BASP1: variants seen among roughly 807,000 people sequenced by gnomAD.
BASP1 encodes brain abundant membrane attached signal protein 1, also known as brain acid soluble protein 1.
A neutral mutation model predicts 2.2 loss-of-function variants in BASP1; 1 was observed. The observed-to-expected ratio is 0.46, with a 90% CI of 0.16 to 2.17. The LOEUF (loss-of-function observed/expected upper bound fraction) is 2.17. BASP1 is among the 30% of genes most tolerant of loss of function. The pLI, the probability that BASP1 is intolerant of heterozygous loss-of-function variation, is 0.27. For missense variants in BASP1, 352 were observed against 327.2 expected (o/e 1.08, Z -0.58); for synonymous variants, 187 against 154.2 (o/e 1.21, Z -1.58).
At chr5:17,258,811 T>C (rs1413056172) in intron 1 of BASP1, among the ~76,000 whole-genome samples, 1 of 152,200 alleles carries the variant, frequency 6.6e-6, no homozygotes, top group East Asian at 1.9e-4. Flanking sequence ...AGTGCCTGGT[T>C]TTTTAGGTAG....
chr5:17,235,544 G>A (rs1023966801), intron 1 of BASP1, among the ~76,000 whole-genome samples: 19 of 152,240 alleles, frequency 1.2e-4, no homozygotes, highest in Non-Finnish European at 2.6e-4. Context: ...TTACAGGCGT[G>A]AGCCACCACG....
At chr5:17,224,138 A>T (rs1270515240) in intron 1 of BASP1, among the ~76,000 whole-genome samples, 1 of 152,230 alleles carries the variant, frequency 6.6e-6, no homozygotes, top group African/African-American at 2.4e-5. Context: ...TCAGACATTT[A>T]CTTCAGGGAT....
chr5:17,218,572 C>A (rs905601744), intron 1 of BASP1, among the ~76,000 whole-genome samples: 1 of 152,086 alleles, frequency 6.6e-6, no homozygotes, highest in Admixed American at 6.5e-5. Flanking sequence ...ATGCGCCAGG[C>A]GCCTCCGCCC....
At chr5:17,272,983 C>T (rs1740559928) in intron 1 of BASP1, among the ~76,000 whole-genome samples, 2 of 152,122 alleles carry the variant, frequency 1.3e-5, no homozygotes, top group Admixed American at 1.3e-4. Flanking sequence ...CCTATGTTTG[C>T]ACTTTATCTT....
At chr5:17,249,461 T>C (rs1740058299) in intron 1 of BASP1, among the ~76,000 whole-genome samples, 1 of 152,184 alleles carries the variant, frequency 6.6e-6, no homozygotes, top group African/African-American at 2.4e-5. Context: ...GTGAGGAATT[T>C]CAGAAGCCAG....
At chr5:17,245,829 G>A (rs116674099) in intron 1 of BASP1, among the ~76,000 whole-genome samples, 1 of 152,092 alleles carries the variant, frequency 6.6e-6, no homozygotes, top group Admixed American at 6.6e-5. Context: ...GATAACTCAG[G>A]GGGTAGCAGA....
intron 1 of BASP1, among the ~76,000 whole-genome samples, chr5:17,226,446 T>A (rs1023006473): frequency 3.3e-5 from 5 of 152,106 alleles, no homozygotes; most frequent in African/African-American, 1.2e-4. Context: ...ACTAATACAA[T>A]AACCAAGGTA....
intron 1 of BASP1, among the ~76,000 whole-genome samples, chr5:17,252,119 A>T (rs1457442007): frequency 3.9e-5 from 6 of 152,238 alleles, no homozygotes; most frequent in Non-Finnish European, 7.4e-5. Context: ...GGACTTGGAG[A>T]TGAGAAAGCT....
chr5:17,247,266 A>G (rs1475356033), intron 1 of BASP1, among the ~76,000 whole-genome samples: 6 of 152,210 alleles, frequency 3.9e-5, no homozygotes, highest in Admixed American at 3.9e-4. Flanking sequence ...TGTCAGTTGG[A>G]TTTCCGAATG....
At chr5:17,243,562 G>A (rs182867896) in intron 1 of BASP1, among the ~76,000 whole-genome samples, 269 of 152,312 alleles carry the variant, frequency 1.8e-3, no homozygotes, top group Non-Finnish European at 3.1e-3. Context: ...ACAGAGTAAT[G>A]TCTCCATAAG....
At chr5:17,270,474 G>T (rs1306914706) in intron 1 of BASP1, among the ~76,000 whole-genome samples, 2 of 152,196 alleles carry the variant, frequency 1.3e-5, no homozygotes, top group Admixed American at 1.3e-4. Flanking sequence ...TATTCAGAGC[G>T]AAGAAGTAGA....
chr5:17,255,403 T>C (rs1406473514), intron 1 of BASP1, among the ~76,000 whole-genome samples: 1 of 152,194 alleles, frequency 6.6e-6, no homozygotes, highest in Non-Finnish European at 1.5e-5. Context: ...CTAGGTTTTT[T>C]TTTCCCATTA....
At chr5:17,265,971 T>G (rs1740407912) in intron 1 of BASP1, among the ~76,000 whole-genome samples, 1 of 152,194 alleles carries the variant, frequency 6.6e-6, no homozygotes, top group South Asian at 2.1e-4. Flanking sequence ...GTGTCTTCTA[T>G]TAAGGACATA....
chr5:17,245,437 TGA>T (rs1561170539), intron 1 of BASP1, among the ~76,000 whole-genome samples: 2 of 152,214 alleles, frequency 1.3e-5, no homozygotes, highest in African/African-American at 4.8e-5. Flanking sequence ...TTATAATTGT[TGA>T]TATTACAACA....
At chr5:17,248,182 G>A (rs1003803746) in intron 1 of BASP1, among the ~76,000 whole-genome samples, 16 of 152,134 alleles carry the variant, frequency 1.1e-4, no homozygotes, top group African/African-American at 3.4e-4. Context: ...TCAGCTATAC[G>A]TGTGACAATC....
At chr5:17,258,026 A>G (rs1221122422) in intron 1 of BASP1, among the ~76,000 whole-genome samples, 2 of 152,168 alleles carry the variant, frequency 1.3e-5, no homozygotes, top group African/African-American at 2.4e-5. Flanking sequence ...CAGGCTGCTT[A>G]TATCTTGCCT....
intron 1 of BASP1, among the ~76,000 whole-genome samples, chr5:17,222,441 C>A (rs1330420085): frequency 6.6e-6 from 1 of 152,200 alleles, no homozygotes. Flanking sequence ...GCCTTTCCAG[C>A]CACAGCCTTT....
chr5:17,275,953 C>A lies in BASP1; in HGVS notation c.*53C>A. On this transcript the variant is annotated 3_prime_UTR_variant, in exon 2 of 2. Transcript: ENST00000322611. The surrounding 1 kb of genome is among the most constrained non-coding windows in gnomAD (Gnocchi z 5.3). ...CCACTTAAAACAATCTCCTCTCTCT[C>A]TCTCTCTCTCTCTCTCTATCTCTCT... is the stretch of plus-strand genomic sequence containing the variant. The A allele has an allele frequency of 2.2e-6, 3 of 1,386,066 alleles. No individual in the cohort carries two copies. The highest frequency in any genetic ancestry group is 2.9e-6 in the Non-Finnish European group (3 of 1,041,894). 85.9% of individuals were successfully genotyped at this position (1,386,066 alleles called of 1,614,324 possible).
chr5:17,262,150 A>G (rs1018015311), intron 1 of BASP1, among the ~76,000 whole-genome samples: 3 of 151,794 alleles, frequency 2.0e-5, no homozygotes, highest in African/African-American at 7.3e-5. Flanking sequence ...AATTTTCCCT[A>G]TTAGGCAACC....
Sources: gnomAD v4.1 joint callset for allele counts (sites outside exome capture counted in the v4.1 genomes callset) on GRCh38, gnomAD v4.1.1 for gene constraint, Gnocchi (gnomAD v3.1) non-coding constraint, MANE v1.5 for transcripts, NCBI Gene and HGNC (gene_info 2026-07-23, HGNC 2026-07-21) for gene names.